Variants in CLASP2 observed in about 807,000 individuals in gnomAD.
CLASP2 encodes CLIP-associating protein 2.
CLASP2 carries 47 observed loss-of-function variants against 194.4 expected under a neutral mutation model. The observed-to-expected ratio is 0.24, with a 90% confidence interval of 0.19 to 0.31. CLASP2 has a LOEUF of 0.31. Among genes scored for constraint, CLASP2 ranks in the 10% least tolerant of loss-of-function variants. The probability of loss-of-function intolerance (pLI) is 1.00; values close to 1 mark genes in which losing one functional copy is unlikely to be tolerated. For synonymous variants in CLASP2, 619 were observed against 633.5 expected (o/e 0.98, Z 0.34); for missense variants, 1,445 against 1,823.6 (o/e 0.79, Z 3.78).
At chr3:33,522,761 T>C (rs193109940) in intron 34 of CLASP2, among the ~76,000 whole-genome samples, 101 of 152,238 alleles carry the variant, frequency 6.6e-4, no homozygotes, top group African/African-American at 2.4e-3. Flanking sequence ...TTAAGAAGTA[T>C]GGTAACTGAA....
intron 34 of CLASP2, among the ~76,000 whole-genome samples, chr3:33,520,797 A>G (rs1213974182): frequency 6.6e-6 from 1 of 150,488 alleles, no homozygotes; most frequent in African/African-American, 2.5e-5. Flanking sequence ...TTTGATAGAT[A>G]TGGAAACAGA....
intron 12 of CLASP2, among the ~76,000 whole-genome samples, chr3:33,617,861 G>T (rs2076443463): frequency 6.6e-6 from 1 of 150,386 alleles, no homozygotes; most frequent in Non-Finnish European, 1.5e-5. Context: ...GACAATATTG[G>T]CAAAGGAATG....
intron 10 of CLASP2, among the ~76,000 whole-genome samples, chr3:33,626,632 C>T (rs2078102814): frequency 6.6e-6 from 1 of 152,026 alleles, no homozygotes. Flanking sequence ...AAGTGAACTG[C>T]TTTATTGGTA....
At chr3:33,628,908 G>A (rs1340213838) in intron 9 of CLASP2, among the ~76,000 whole-genome samples, 1 of 152,012 alleles carries the variant, frequency 6.6e-6, no homozygotes, top group Non-Finnish European at 1.5e-5. Flanking sequence ...GGACAAAGAT[G>A]TAGGGGGAAT....
intron 10 of CLASP2, among the ~76,000 whole-genome samples, chr3:33,625,954 C>T (rs2077974686): frequency 2.0e-5 from 3 of 151,494 alleles, no homozygotes; most frequent in South Asian, 4.2e-4. Flanking sequence ...TTAAGTAAAA[C>T]CAAAAAAACC....
At chr3:33,539,201 T>C (rs756470389) in intron 32 of CLASP2, among the ~76,000 whole-genome samples, 1 of 152,174 alleles carries the variant, frequency 6.6e-6, no homozygotes, top group Non-Finnish European at 1.5e-5. Flanking sequence ...AAAAATGTTC[T>C]GATTAACCAG....
At chr3:33,644,507 C>T in intron 8 of CLASP2, 1 of 394,590 alleles carries the variant, frequency 2.5e-6, no homozygotes, top group Non-Finnish European at 4.7e-6. Flanking sequence ...AAATCTTTTT[C>T]AAAATGGCAT....
In CLASP2 at chr3:33,498,705, T is replaced by C; in HGVS notation, c.4447A>G (p.Asn1483Asp). ...QLTGSKMKLLNLYIKRAQTGS... is the reference protein window; with the variant it reads ...QLTGSKMKLLDLYIKRAQTGS... ...GTTTGTGCACGTTTGATGTAAAGAT[T>C]CAGTAGCTTCATCTGCAGATTCAAG... Residue 1483 changes from asparagine (N) to aspartate (D), a missense_variant, in exon 39 of 39, where the codon AAT becomes GAT. By Grantham distance (23) the Asn-to-Asp change is conservative. This residue lies in a region of CLASP2 where 732 missense variants were observed against 987.9 expected (regional missense o/e 0.74). Coordinates refer to ENST00000682230, the MANE Select transcript of CLASP2 (RefSeq NM_001365631.1). The C allele has an allele frequency of 6.2e-7, 1 of 1,612,470 alleles. No homozygotes were observed. The highest frequency in any genetic ancestry group is 8.5e-7 in the Non-Finnish European group (1 of 1,178,714).
intron 36 of CLASP2, 52 bp downstream of exon 36, chr3:33,515,971 T>C: frequency 6.5e-7 from 1 of 1,534,190 alleles, no homozygotes; most frequent in Non-Finnish European, 8.8e-7. Flanking sequence ...AATGGTTACA[T>C]GTTTCATGAA....
chr3:33,554,219 C>A, intron 29 of CLASP2, among the ~76,000 whole-genome samples: 1 of 128,300 alleles, frequency 7.8e-6, no homozygotes. Context: ...AGGAGCGAAA[C>A]TGTCTCAAAA....
At chr3:33,655,998 G>A (rs1171757290) in intron 7 of CLASP2, among the ~76,000 whole-genome samples, 2 of 152,148 alleles carry the variant, frequency 1.3e-5, no homozygotes, top group Non-Finnish European at 2.9e-5. Flanking sequence ...GCAGACTGCA[G>A]GGCTCAGCAC....
At chr3:33,645,008 T>A in intron 7 of CLASP2, 105 bp from the exon 8 acceptor site, 1 of 1,183,146 alleles carries the variant, frequency 8.5e-7, no homozygotes, top group Non-Finnish European at 1.2e-6. Context: ...ATTACTTTGG[T>A]AAGATATATA....
chr3:33,662,050 C>T (rs368902296), intron 7 of CLASP2, among the ~76,000 whole-genome samples: 50 of 152,094 alleles, frequency 3.3e-4, no homozygotes, highest in African/African-American at 1.1e-3. Context: ...TCTTTGAAGT[C>T]TTCTTCAAAA....
intron 1 of CLASP2, among the ~76,000 whole-genome samples, chr3:33,701,335 G>T (rs2092357719): frequency 1.3e-5 from 2 of 152,196 alleles, no homozygotes; most frequent in Non-Finnish European, 2.9e-5. Flanking sequence ...TGTGGGGGCT[G>T]TAAGAGGCAC....
intron 1 of CLASP2, among the ~76,000 whole-genome samples, chr3:33,716,531 C>T (rs1559727554): frequency 6.6e-6 from 1 of 152,260 alleles, no homozygotes; most frequent in East Asian, 1.9e-4. Context: ...ATTACCAAAG[C>T]GCTGTCTTTC....
At chr3:33,714,971 C>G (rs566109098) in intron 1 of CLASP2, among the ~76,000 whole-genome samples, 97 of 152,318 alleles carry the variant, frequency 6.4e-4, no homozygotes, top group Non-Finnish European at 1.2e-3. Context: ...TTACTGCCAC[C>G]ACATTTAGAA....
At chr3:33,659,393 A>G in intron 7 of CLASP2, 2 of 1,029,160 alleles carry the variant, frequency 1.9e-6, no homozygotes, top group Non-Finnish European at 1.2e-6. Flanking sequence ...GCATGTGTTC[A>G]GCAATCATTT....
rs540644978 is a variant in CLASP2, at chr3:33,507,126, G to C, written c.4317+3432C>G. On this transcript the variant is annotated intron_variant, in intron 37 of 38. Coordinates refer to ENST00000682230, the MANE Select transcript of CLASP2 (RefSeq NM_001365631.1). The stretch of plus-strand genomic sequence containing the variant: ...GCTGATTTTTTGTATTTTTACTAGA[G>C]ACGGGGTTTCACTATGGCCAGGCTG... Among the ~76,000 whole-genome samples the C allele has an allele frequency of 8.5e-5, 13 of 152,110 alleles. No individual in the cohort carries two copies. The South Asian group carries it at 2.3e-3, about 27-fold the overall frequency.
chr3:33,592,891 A>G (rs1041979676), intron 20 of CLASP2, among the ~76,000 whole-genome samples: 18 of 152,226 alleles, frequency 1.2e-4, no homozygotes, highest in Admixed American at 5.2e-4. Flanking sequence ...CTAAGCTTGG[A>G]AACAATTCAA....
Sources: allele counts gnomAD v4.1 joint callset (sites outside exome capture counted in the v4.1 genomes callset), GRCh38; gene constraint gnomAD v4.1.1; regional missense constraint gnomAD v4.1.1; transcripts MANE v1.5; gene names NCBI Gene and HGNC (gene_info 2026-07-23, HGNC 2026-07-21).